VMP1: variants seen among roughly 807,000 people sequenced by gnomAD.
VMP1 encodes the protein vacuole membrane protein 1.
A neutral mutation model predicts 56.0 loss-of-function variants in VMP1; 11 were observed. The ratio of observed to expected loss-of-function variants is 0.20; its 90% CI spans 0.12 to 0.32. VMP1 has a LOEUF of 0.32. Among genes scored for constraint, VMP1 ranks in the 10% least tolerant of loss-of-function variants. The pLI is 1.00. For synonymous variants in VMP1, 149 were observed against 165.0 expected (o/e 0.90, Z 0.74); for missense variants, 296 against 490.3 (o/e 0.60, Z 3.74).
chr17:59,736,155 A>G (rs748944553), intron 3 of VMP1, among the ~76,000 whole-genome samples: 8 of 152,098 alleles, frequency 5.3e-5, no homozygotes, highest in Non-Finnish European at 1.0e-4. Context: ...GCTCACACCT[A>G]TAATCCCAGC....
chr17:59,825,391 C>T lies in VMP1; in HGVS notation c.974+7618C>T, dbSNP rs866885725. Among the ~76,000 whole-genome samples, 19 of 151,806 alleles carry T rather than the reference C, an allele frequency of 1.3e-4. No homozygotes were observed. The Middle Eastern group carries it at 0.01, about 82-fold the overall frequency. ...CCAGCCCTTTTTGTTTTTTTAATTACGATTTAATACTAATTTTTATTTAAT... is the reference window on the plus strand; with the variant it reads ...CCAGCCCTTTTTGTTTTTTTAATTATGATTTAATACTAATTTTTATTTAAT... On this transcript the variant is annotated intron_variant, in intron 10 of 11. Coordinates refer to ENST00000262291, the MANE Select transcript of VMP1 (RefSeq NM_030938.5).
chr17:59,775,058 C>T (rs2036570720), intron 7 of VMP1, among the ~76,000 whole-genome samples: 1 of 151,966 alleles, frequency 6.6e-6, no homozygotes, highest in South Asian at 2.1e-4. Flanking sequence ...TGTCCTGCCT[C>T]AGCCTCCCGA....
At chr17:59,784,169 G>A (rs2036928449) in intron 7 of VMP1, among the ~76,000 whole-genome samples, 1 of 150,436 alleles carries the variant, frequency 6.6e-6, no homozygotes, top group African/African-American at 2.5e-5. Flanking sequence ...TTGGAGGGAG[G>A]AAGGGAGAGG....
At chr17:59,791,103 A>C (rs2037208356) in intron 7 of VMP1, among the ~76,000 whole-genome samples, 1 of 151,736 alleles carries the variant, frequency 6.6e-6, no homozygotes. Context: ...CTCATTTTTC[A>C]TATTTCTAAA....
intron 1 of VMP1, among the ~76,000 whole-genome samples, chr17:59,722,652 C>A (rs1234845785): frequency 1.3e-5 from 2 of 152,090 alleles, no homozygotes; most frequent in Non-Finnish European, 2.9e-5. Flanking sequence ...ACTAGCGTGG[C>A]CAACATGGTG....
At chr17:59,742,464 CTG>C (rs1187345530) in intron 5 of VMP1, among the ~76,000 whole-genome samples, 5 of 151,584 alleles carry the variant, frequency 3.3e-5, no homozygotes, top group Non-Finnish European at 4.4e-5. Flanking sequence ...TCACAGTGAA[CTG>C]TGATTGCACC....
chr17:59,785,323 G>A (rs535495224), intron 7 of VMP1, among the ~76,000 whole-genome samples: 2 of 152,250 alleles, frequency 1.3e-5, no homozygotes, highest in Non-Finnish European at 2.9e-5. Context: ...ATTGCTATCA[G>A]AATAGGAAAT....
rs866937005 is a variant in VMP1, at chr17:59,775,331, C to T, written c.714+1446C>T. Among the ~76,000 whole-genome samples the T allele has an allele frequency of 3.9e-5, 6 of 152,166 alleles. No individual in the cohort carries two copies. The South Asian group carries it at 1.2e-3, about 31-fold the overall frequency. On this transcript the variant is annotated intron_variant, in intron 7 of 11. Transcript: ENST00000262291. ...TTGGGAGGCTGAGTTGGGAGGATCA[C>T]TTGAGCCTGGGAGGCAAAGATTGCA...
chr17:59,778,951 G>A (rs1023772308), intron 7 of VMP1, among the ~76,000 whole-genome samples: 3 of 152,216 alleles, frequency 2.0e-5, no homozygotes, highest in Admixed American at 1.3e-4. Flanking sequence ...CAGTCAGCCA[G>A]GTGATCATGA....
At chr17:59,814,373 T>C (rs753238122) in intron 9 of VMP1, among the ~76,000 whole-genome samples, 4 of 152,350 alleles carry the variant, frequency 2.6e-5, no homozygotes, top group Admixed American at 6.5e-5. Context: ...TATACCCATT[T>C]TGTAATTCTC....
intron 2 of VMP1, 125 bp from the exon 3 acceptor site, chr17:59,735,213 C>T (rs1248135712): frequency 7.7e-7 from 1 of 1,306,552 alleles, no homozygotes; most frequent in East Asian, 2.5e-5. Context: ...CCATTTTTCA[C>T]AAGACTCTAG....
At chr17:59,717,663 T>C (rs576008776) in intron 1 of VMP1, among the ~76,000 whole-genome samples, 1 of 152,280 alleles carries the variant, frequency 6.6e-6, no homozygotes, top group Non-Finnish European at 1.5e-5. Flanking sequence ...CTCATGCCTG[T>C]AATCCCAGCA....
intron 1 of VMP1, among the ~76,000 whole-genome samples, chr17:59,713,287 A>T (rs1430628300): frequency 6.6e-6 from 1 of 151,958 alleles, no homozygotes; most frequent in East Asian, 1.9e-4. Context: ...GCATTAGGAG[A>T]TATACCTAAT....
intron 5 of VMP1, among the ~76,000 whole-genome samples, chr17:59,755,936 T>C (rs1277459979): frequency 1.3e-5 from 2 of 151,936 alleles, no homozygotes; most frequent in Admixed American, 6.6e-5. Flanking sequence ...GGAATCTCAC[T>C]GTGTTGTCCG....
chr17:59,799,628 T>A (rs889140956), intron 7 of VMP1, among the ~76,000 whole-genome samples: 5 of 152,222 alleles, frequency 3.3e-5, no homozygotes, highest in Non-Finnish European at 7.3e-5. Context: ...GACCTTATTA[T>A]GTTATAATTC....
intron 6 of VMP1, among the ~76,000 whole-genome samples, chr17:59,773,141 T>C (rs1200168323): frequency 6.6e-6 from 1 of 151,744 alleles, no homozygotes; most frequent in African/African-American, 2.4e-5. Flanking sequence ...TTTGTATTTT[T>C]AGTAGAGATG....
chr17:59,835,725 G>C (rs1394610813), intron 10 of VMP1, among the ~76,000 whole-genome samples: 1 of 150,314 alleles, frequency 6.7e-6, no homozygotes, highest in African/African-American at 2.4e-5. Context: ...CCCGACCTCA[G>C]GTGATCCGCC....
chr17:59,807,219 C>T (rs1246289135), intron 7 of VMP1, among the ~76,000 whole-genome samples: 18 of 140,006 alleles, frequency 1.3e-4, no homozygotes, highest in Non-Finnish European at 1.7e-4. Context: ...TTTTTTGAGA[C>T]GGAGTCTCGC....
At chr17:59,789,237 A>AG (rs1316465403) in intron 7 of VMP1, among the ~76,000 whole-genome samples, 4 of 137,296 alleles carry the variant, frequency 2.9e-5, no homozygotes, top group South Asian at 4.6e-4. Flanking sequence ...TTGCAGTGAG[A>AG]GAAAAAAAAA....
Sources: gnomAD v4.1 joint callset for allele counts (sites outside exome capture counted in the v4.1 genomes callset) on GRCh38, gnomAD v4.1.1 for gene constraint, MANE v1.5 for transcripts, NCBI Gene and HGNC (gene_info 2026-07-23, HGNC 2026-07-21) for gene names.